RELN: variants seen among roughly 807,000 people sequenced by gnomAD.
RELN encodes reelin.
In RELN, 108 loss-of-function variants were observed where a neutral mutation model predicts 427.6. The ratio of observed to expected loss-of-function variants is 0.25; its 90% CI spans 0.22 to 0.30. The LOEUF (loss-of-function observed/expected upper bound fraction) is 0.30. RELN is among the 10% of genes least tolerant of loss of function. The pLI, the probability that RELN is intolerant of heterozygous loss-of-function variation, is 1.00. For synonymous variants in RELN, 1,524 were observed against 1,513.4 expected, an observed-to-expected ratio of 1.01 and a Z score of -0.16; for missense variants, 3,715 against 4,302.8, an observed-to-expected ratio of 0.86 and a Z score of 3.82.
chr7:103,891,506 T>C (rs1021633596), intron 2 of RELN, among the ~76,000 whole-genome samples: 2 of 152,140 alleles, frequency 1.3e-5, no homozygotes, highest in African/African-American at 4.8e-5. Flanking sequence ...TGTTCAATGC[T>C]TAAATGGGTG....
Position 103,603,235 on chromosome 7 carries a change from A to T in RELN, c.3333+69T>A, listed in dbSNP as rs1249625925. 5 of 1,262,512 alleles carry T rather than the reference A, an allele frequency of 4.0e-6. No individual in the cohort carries two copies. In the Admixed American group the frequency reaches 8.4e-5, roughly 21 times the overall value. 78.2% of individuals were successfully genotyped at this position (1,262,512 alleles called of 1,614,324 possible). ...CAATAGAACCACTTCATATTTGTAC[A>T]TTTGGAATTCAGAGTCTCATATTAA... On this transcript the variant is annotated intron_variant, in intron 24 of 64. Transcript: ENST00000428762. This position sits in a 1 kb window ranked among gnomAD's most constrained non-coding sequence, Gnocchi z 4.3.
At chr7:103,747,868 T>A (rs1288828720) in intron 6 of RELN, among the ~76,000 whole-genome samples, 1 of 151,342 alleles carries the variant, frequency 6.6e-6, no homozygotes, top group African/African-American at 2.5e-5. Context: ...ATAACTTTGG[T>A]CAAGAAAGCA....
At chr7:103,852,009 T>G (rs1185047614) in intron 2 of RELN, among the ~76,000 whole-genome samples, 1 of 152,220 alleles carries the variant, frequency 6.6e-6, no homozygotes, top group Non-Finnish European at 1.5e-5. Context: ...TATAAAGGAC[T>G]ACTATGTAAG....
intron 1 of RELN, among the ~76,000 whole-genome samples, chr7:103,966,044 C>A (rs1288300965): frequency 6.6e-6 from 1 of 151,996 alleles, no homozygotes; most frequent in Non-Finnish European, 1.5e-5. Context: ...TATAACAAAG[C>A]CAATTTTATT....
At chr7:103,838,067 G>A (rs1793452599) in intron 2 of RELN, among the ~76,000 whole-genome samples, 1 of 151,882 alleles carries the variant, frequency 6.6e-6, no homozygotes, top group Admixed American at 6.5e-5. Flanking sequence ...AAATTAGCTG[G>A]GTGTGGTGGT....
chr7:103,479,508 A>C (rs1828154563), intron 63 of RELN, among the ~76,000 whole-genome samples: 1 of 152,142 alleles, frequency 6.6e-6, no homozygotes, highest in African/African-American at 2.4e-5. Context: ...AGCAGGGGCT[A>C]ATCATCGTGA....
At chr7:103,629,806 A>G (rs1333633785) in intron 20 of RELN, 134 bp downstream of exon 20, 2 of 735,446 alleles carry the variant, frequency 2.7e-6, no homozygotes, top group African/African-American at 3.5e-5. Context: ...TGAAAACAGT[A>G]GTTCTGTTTT....
intron 61 of RELN, chr7:103,484,249 C>T (rs1397475631): frequency 1.4e-5 from 3 of 215,332 alleles, no homozygotes; most frequent in Non-Finnish European, 2.8e-5. Context: ...TTTCTTGTTC[C>T]TAAAGTCCAT....
intron 16 of RELN, among the ~76,000 whole-genome samples, chr7:103,649,820 T>G (rs1375663115): frequency 6.6e-6 from 1 of 152,122 alleles, no homozygotes; most frequent in East Asian, 1.9e-4. Flanking sequence ...TTCACCTCCT[T>G]TTTTTAGAGA....
At chr7:103,505,703 G>T (rs374046726) in intron 51 of RELN, among the ~76,000 whole-genome samples, 14 of 152,094 alleles carry the variant, frequency 9.2e-5, no homozygotes, top group African/African-American at 3.4e-4. Flanking sequence ...ACAACTCCTC[G>T]CCAGCAAGGG....
intron 3 of RELN, among the ~76,000 whole-genome samples, chr7:103,802,551 T>C (rs1310278579): frequency 6.6e-6 from 1 of 152,146 alleles, no homozygotes; most frequent in East Asian, 1.9e-4. Context: ...AAAAGTGCTG[T>C]AGAAGTCACA....
intron 36 of RELN, among the ~76,000 whole-genome samples, 154 bp downstream of exon 36, chr7:103,561,378 A>G (rs1335467531): frequency 1.3e-5 from 2 of 152,228 alleles, no homozygotes; most frequent in Non-Finnish European, 2.9e-5. Context: ...GATTGCACTC[A>G]GAAGAGGAAA....
chr7:103,883,149 C>T (rs1306729379), intron 2 of RELN, among the ~76,000 whole-genome samples: 3 of 152,138 alleles, frequency 2.0e-5, no homozygotes, highest in African/African-American at 4.8e-5. Context: ...AATCAATAAA[C>T]GTAATCCATC....
rs992403681 is a variant in RELN, at chr7:103,640,735, T to C, written c.2003-126A>G. On this transcript the variant is annotated intron_variant, in intron 16 of 64. Transcript: ENST00000428762. This position sits in a 1 kb window ranked among gnomAD's most constrained non-coding sequence, Gnocchi z 4.1. The stretch of plus-strand genomic sequence containing the variant: ...TTGTGTGCAGGAACCCAGGGTGACA[T>C]ATGGAATGCTGTGTAATAAGGTAAG... 5 of 888,742 alleles carry C rather than the reference T, an allele frequency of 5.6e-6. No individual in the cohort carries two copies. The African/African-American group carries it at 6.6e-5, about 12-fold the overall frequency. 55.1% of individuals were successfully genotyped at this position (888,742 alleles called of 1,614,324 possible).
intron 45 of RELN, among the ~76,000 whole-genome samples, chr7:103,538,313 G>T (rs1830102002): frequency 6.6e-6 from 1 of 150,980 alleles, no homozygotes; most frequent in Non-Finnish European, 1.5e-5. Context: ...TCTAGTTTTT[G>T]TCTGTTGGAA....
chr7:103,488,602 C>T (rs1180214285), intron 60 of RELN, among the ~76,000 whole-genome samples: 2 of 152,222 alleles, frequency 1.3e-5, no homozygotes, highest in African/African-American at 2.4e-5. Flanking sequence ...ATAGATCCGA[C>T]TCCAGAATTC....
chr7:103,794,359 C>A (rs1253098241), intron 3 of RELN, among the ~76,000 whole-genome samples: 1 of 152,146 alleles, frequency 6.6e-6, no homozygotes, highest in Non-Finnish European at 1.5e-5. Context: ...TAAGTAACAA[C>A]TTCCATTCCT....
At chr7:103,879,755 C>G (rs1794564011) in intron 2 of RELN, among the ~76,000 whole-genome samples, 1 of 152,132 alleles carries the variant, frequency 6.6e-6, no homozygotes, top group South Asian at 2.1e-4. Flanking sequence ...GTTTGGATAA[C>G]CTTGACTGCT....
At chr7:103,845,145 A>AT (rs1563047133) in intron 2 of RELN, among the ~76,000 whole-genome samples, 82 of 150,698 alleles carry the variant, frequency 5.4e-4, no homozygotes, top group Middle Eastern at 3.4e-3. Context: ...ATCAAAAAAA[A>AT]ATTTTTTTTT....
Sources: allele counts gnomAD v4.1 joint callset (sites outside exome capture counted in the v4.1 genomes callset), GRCh38; gene constraint gnomAD v4.1.1; non-coding constraint Gnocchi (gnomAD v3.1); transcripts MANE v1.5; gene names NCBI Gene and HGNC (gene_info 2026-07-23, HGNC 2026-07-21).